VPS39: variants seen among roughly 807,000 people sequenced by gnomAD.
The protein encoded by VPS39 is vam6/Vps39-like protein.
VPS39 carries 70 observed loss-of-function variants against 121.0 expected under a neutral mutation model. The observed-to-expected ratio is 0.58, with a 90% CI of 0.48 to 0.71. VPS39 has a LOEUF of 0.71. Ranked by LOEUF, VPS39 falls within the 30% of genes least tolerant of loss-of-function variation. The pLI is 0.00. For synonymous variants in VPS39, 378 were observed against 398.1 expected, an observed-to-expected ratio of 0.95 and a Z score of 0.60; for missense variants, 818 against 1,051.5, an observed-to-expected ratio of 0.78 and a Z score of 3.07.
rs768646351 is a variant in VPS39 at position 42,167,378 on chromosome 15, C to CG, written c.1377+15dup. On this transcript the variant is annotated intron_variant, in intron 13 of 24. Coordinates refer to ENST00000318006, the MANE Select transcript of VPS39 (RefSeq NM_015289.5). ...GTAACTGGGAATTGTGGCACCCGAG[C>CG]GCTCAGGTAACTCACATGGAGATAG... is the stretch of plus-strand genomic sequence containing the variant. 1.5e-5 allele frequency: 24 copies of CG among 1,613,318 alleles called. No individual in the cohort carries two copies. Among genetic ancestry groups the CG allele is most frequent in the African/African-American group, 5.3e-5 (4 of 74,890 alleles).
At chr15:42,202,329 A>C (rs185846106) in intron 1 of VPS39, among the ~76,000 whole-genome samples, 2,207 of 152,280 alleles carry the variant, frequency 0.014, 47 homozygotes, top group African/African-American at 0.05. Context: ...GTCACACACA[A>C]AAAAAATGTT....
Position 42,163,696 on chromosome 15 carries a change from G to T in VPS39, c.2059C>A (p.Arg687Ser). The change falls in exon 20 of 25, where the codon CGC becomes AGC. Residue 687 changes from arginine (R) to serine (S), a missense_variant. Coordinates refer to ENST00000318006, the MANE Select transcript of VPS39 (RefSeq NM_015289.5). ...AGAGCTTGTTCATGTTTCCCCATGC[G>T]CCCCAACAGGAGAGCTCGTTCTTCT... Reference protein sequence around the residue: ...LLEERALLLGRMGKHEQALFI... With the variant: ...LLEERALLLGSMGKHEQALFI... 1 of 1,613,618 alleles carries T rather than the reference G, an allele frequency of 6.2e-7. No homozygotes were observed. Among genetic ancestry groups the T allele is most frequent in the Non-Finnish European group, 8.5e-7 (1 of 1,179,810 alleles).
chr15:42,162,203 G>C (rs1264125450), intron 22 of VPS39, 37 bp from the exon 23 acceptor site: 1 of 1,612,646 alleles, frequency 6.2e-7, no homozygotes, highest in African/African-American at 1.3e-5. Context: ...TGGGTGAGGT[G>C]AACAGGAGTG....
At chr15:42,205,940 A>G (rs1401152260) in intron 1 of VPS39, among the ~76,000 whole-genome samples, 2 of 152,222 alleles carry the variant, frequency 1.3e-5, no homozygotes, top group African/African-American at 2.4e-5. Context: ...AACGATTCCA[A>G]AGCTTTTGGC....
At chr15:42,197,472 G>A (rs2049966847) in intron 2 of VPS39, among the ~76,000 whole-genome samples, 1 of 151,932 alleles carries the variant, frequency 6.6e-6, no homozygotes, top group Non-Finnish European at 1.5e-5. Context: ...AGGATGGCTT[G>A]AACCCAGGAG....
chr15:42,191,016 C>T, intron 4 of VPS39, 109 bp downstream of exon 4: 1 of 1,279,260 alleles, frequency 7.8e-7, no homozygotes, highest in East Asian at 2.3e-5. Flanking sequence ...AGGTTTGGAA[C>T]ACGTCAGTTC....
rs200090156 is a variant in VPS39 at position 42,173,860 on chromosome 15, C to A, written c.961-8G>T. 178 of 1,613,764 alleles carry A rather than the reference C, an allele frequency of 1.1e-4. 1 individual carries two copies. The East Asian group carries it at 2.7e-3, about 24-fold the overall frequency. On this transcript the variant is annotated splice_region_variant and splice_polypyrimidine_tract_variant and intron_variant, in intron 10 of 24. Coordinates refer to ENST00000318006, the MANE Select transcript of VPS39 (RefSeq NM_015289.5). ...AGAATCATCTTTCATTTCCTAATAACGGAGCAGAATATGTAAGAGTTCACT... is the reference window on the plus strand; with the variant it reads ...AGAATCATCTTTCATTTCCTAATAAAGGAGCAGAATATGTAAGAGTTCACT...
At chr15:42,203,089 C>T (rs2620382) in intron 1 of VPS39, among the ~76,000 whole-genome samples, 152,123 of 152,234 alleles carry the variant, frequency 1, 76,009 homozygotes, top group Middle Eastern at 1. Flanking sequence ...GGGCCGGGCA[C>T]GGAGGCCGAA....
intron 8 of VPS39, chr15:42,178,821 G>C (rs147740079): frequency 9.5e-5 from 41 of 431,778 alleles, no homozygotes; most frequent in African/African-American, 7.2e-4. Flanking sequence ...AGGCATCTTA[G>C]TGAGACACTG....
chr15:42,173,475 C>G (rs1032366051), intron 11 of VPS39, among the ~76,000 whole-genome samples: 5 of 152,230 alleles, frequency 3.3e-5, no homozygotes, highest in Non-Finnish European at 7.3e-5. Flanking sequence ...CTACCTTTCT[C>G]TAATGGCAAG....
intron 12 of VPS39, among the ~76,000 whole-genome samples, chr15:42,169,065 A>C (rs2049299458): frequency 6.6e-6 from 1 of 152,242 alleles, no homozygotes; most frequent in African/African-American, 2.4e-5. Context: ...TATAACAGTA[A>C]ATCATAAAAA....
chr15:42,204,552 A>T (rs1249608507), intron 1 of VPS39, among the ~76,000 whole-genome samples: 1 of 152,168 alleles, frequency 6.6e-6, no homozygotes, highest in Non-Finnish European at 1.5e-5. Flanking sequence ...CGGGAGGCTG[A>T]GGCACGACAG....
At position 42,208,259 on chromosome 15, in the gene VPS39, A is replaced by G. The variant is rs2140900010; in HGVS notation, c.-106T>C. The G allele has an allele frequency of 4.9e-6, 7 of 1,429,530 alleles. No homozygotes were observed. The highest frequency in any genetic ancestry group is 6.6e-6 in the Non-Finnish European group (7 of 1,056,100). 88.6% of individuals were successfully genotyped at this position (1,429,530 alleles called of 1,614,324 possible). On this transcript the variant is annotated 5_prime_UTR_variant, in exon 1 of 25. Transcript: ENST00000318006. ...AGGGTAGACCGGGATCCGGCCAGGA[A>G]CCCCCCGGCTACAGGCCCTTCAACA...
At chr15:42,179,639 A>T (rs971073009) in intron 8 of VPS39, among the ~76,000 whole-genome samples, 6 of 150,464 alleles carry the variant, frequency 4.0e-5, no homozygotes, top group African/African-American at 1.2e-4. Context: ...AAAAATAAAA[A>T]AAAAAGAAAT....
chr15:42,164,520 A>G, intron 18 of VPS39, 34 bp from the exon 19 acceptor site: 2 of 1,611,812 alleles, frequency 1.2e-6, no homozygotes, highest in Non-Finnish European at 1.7e-6. Flanking sequence ...ATGAAAGGAC[A>G]CTGCCAGGTG....
chr15:42,174,321 T>C (rs1255656091), intron 10 of VPS39, among the ~76,000 whole-genome samples: 1 of 151,964 alleles, frequency 6.6e-6, no homozygotes, highest in East Asian at 1.9e-4. Flanking sequence ...GCCCTTACAG[T>C]CTAACTGTAA....
At chr15:42,176,853 A>G (rs1015946097) in intron 10 of VPS39, among the ~76,000 whole-genome samples, 1 of 152,178 alleles carries the variant, frequency 6.6e-6, no homozygotes, top group African/African-American at 2.4e-5. Flanking sequence ...CTTCATAAAC[A>G]TCTCTTCTTT....
chr15:42,187,256 A>T lies in VPS39; in HGVS notation c.534+15T>A, dbSNP rs1680514739. 1.3e-6 allele frequency: 2 copies of T among 1,580,016 alleles called. No homozygotes were observed. Among genetic ancestry groups the T allele is most frequent in the Non-Finnish European group, 1.7e-6 (2 of 1,164,690 alleles). ...AAGATAAACTAATGATATTTGCAAA[A>T]TAATAAGATTTTACCCTTATTAGGT... On this transcript the variant is annotated intron_variant, in intron 7 of 24. Coordinates refer to ENST00000318006, the MANE Select transcript of VPS39 (RefSeq NM_015289.5).
intron 8 of VPS39, among the ~76,000 whole-genome samples, chr15:42,183,154 G>A (rs2049621499): frequency 6.6e-6 from 1 of 150,830 alleles, no homozygotes; most frequent in South Asian, 2.1e-4. Context: ...ACGCTGGAGT[G>A]CAGTGGCACA....
Sources: gnomAD v4.1 joint callset for allele counts (sites outside exome capture counted in the v4.1 genomes callset) on GRCh38, gnomAD v4.1.1 for gene constraint, MANE v1.5 for transcripts, NCBI Gene and HGNC (gene_info 2026-07-23, HGNC 2026-07-21) for gene names.